The following MAPK10 variants were observed in gnomAD, a reference collection of about 807,000 sequenced individuals.
The protein encoded by MAPK10 is JNK3 alpha protein kinase.
Under a neutral mutation model 59.3 loss-of-function variants are expected in MAPK10, and 25 were observed. The observed-to-expected ratio is 0.42, with a 90% confidence interval of 0.31 to 0.59. The LOEUF (loss-of-function observed/expected upper bound fraction) is 0.59, where lower values mean the gene tolerates loss of function less well. Among genes scored for constraint, MAPK10 ranks in the 20% least tolerant of loss-of-function variants. MAPK10 has a pLI of 0.15. For synonymous variants in MAPK10, 190 were observed against 200.5 expected, an observed-to-expected ratio of 0.95 and a Z score of 0.44; for missense variants, 351 against 568.9, an observed-to-expected ratio of 0.62 and a Z score of 3.90.
At chr4:86,089,307 A>C (rs1359311745) in intron 9 of MAPK10, 9 of 1,436,862 alleles carry the variant, frequency 6.3e-6, no homozygotes, top group Non-Finnish European at 8.8e-6. Context: ...GAAGATAAAC[A>C]AGAACACAGG....
At chr4:86,563,619 G>A (rs1315491207) in intron 1 of MAPK10, among the ~76,000 whole-genome samples, 1 of 152,178 alleles carries the variant, frequency 6.6e-6, no homozygotes, top group Non-Finnish European at 1.5e-5. Flanking sequence ...AAGACCTCCA[G>A]TAGATGCCTG....
At chr4:86,096,792 C>G (rs958055502) in intron 9 of MAPK10, among the ~76,000 whole-genome samples, 3 of 151,898 alleles carry the variant, frequency 2.0e-5, no homozygotes, top group African/African-American at 7.2e-5. Context: ...AATCCCCAAA[C>G]TATAGATAAG....
intron 5 of MAPK10, among the ~76,000 whole-genome samples, chr4:86,104,803 C>T (rs1157372898): frequency 6.6e-6 from 1 of 151,968 alleles, no homozygotes; most frequent in East Asian, 1.9e-4. Context: ...CTTATTTTCC[C>T]TTTTCCTATG....
chr4:86,120,120 G>C (rs921993145), intron 4 of MAPK10: 17 of 152,154 alleles, frequency 1.1e-4, no homozygotes, highest in African/African-American at 4.1e-4. Flanking sequence ...AGTTCACTTG[G>C]ATACTTCCCT....
At chr4:86,427,488 T>C (rs541497345) in intron 1 of MAPK10, among the ~76,000 whole-genome samples, 1 of 152,298 alleles carries the variant, frequency 6.6e-6, no homozygotes, top group East Asian at 1.9e-4. Flanking sequence ...TTCATCAGAT[T>C]CTTCCTTCCT....
chr4:86,524,561 A>C (rs1357151507), intron 1 of MAPK10, among the ~76,000 whole-genome samples: 3 of 152,150 alleles, frequency 2.0e-5, no homozygotes, highest in African/African-American at 7.2e-5. Context: ...TCTTCTAAAG[A>C]GTCTACATTA....
chr4:86,122,022 T>C (rs2059340668), intron 4 of MAPK10, among the ~76,000 whole-genome samples: 2 of 152,132 alleles, frequency 1.3e-5, no homozygotes, highest in South Asian at 4.1e-4. Flanking sequence ...ACTCAGGGCC[T>C]TGGGAATTTA....
intron 2 of MAPK10, among the ~76,000 whole-genome samples, chr4:86,325,057 A>C (rs2095991697): frequency 1.3e-5 from 2 of 152,162 alleles, no homozygotes; most frequent in African/African-American, 2.4e-5. Context: ...TTTAGTTTCT[A>C]ATTTCCAACT....
At chr4:86,077,104 G>A (rs1579782686) in intron 9 of MAPK10, among the ~76,000 whole-genome samples, 2 of 152,228 alleles carry the variant, frequency 1.3e-5, no homozygotes, top group East Asian at 3.9e-4. Flanking sequence ...TAAAAGTAGA[G>A]TTATATTGTA....
intron 5 of MAPK10, among the ~76,000 whole-genome samples, chr4:86,104,812 T>C (rs1418898451): frequency 6.6e-6 from 1 of 152,132 alleles, no homozygotes; most frequent in Non-Finnish European, 1.5e-5. Flanking sequence ...CCTTTTCCTA[T>C]GACCTTGTTT....
chr4:86,217,354 T>G (rs750762667), intron 2 of MAPK10, among the ~76,000 whole-genome samples: 1 of 152,186 alleles, frequency 6.6e-6, no homozygotes, highest in African/African-American at 2.4e-5. Context: ...ATTTGTAAAA[T>G]TAATAAAATA....
intron 1 of MAPK10, among the ~76,000 whole-genome samples, chr4:86,501,011 G>T (rs1755263588): frequency 1.3e-5 from 2 of 149,966 alleles, no homozygotes; most frequent in African/African-American, 4.9e-5. Flanking sequence ...GAAGGTTAGG[G>T]TAATGGTAAA....
intron 2 of MAPK10, among the ~76,000 whole-genome samples, chr4:86,299,879 C>T (rs1380183441): frequency 6.6e-6 from 1 of 151,748 alleles, no homozygotes; most frequent in African/African-American, 2.4e-5. Flanking sequence ...ACAATAATAC[C>T]TTTCTTATTT....
chr4:86,446,823 T>C (rs1458281190), intron 1 of MAPK10, among the ~76,000 whole-genome samples: 16 of 152,212 alleles, frequency 1.1e-4, no homozygotes, highest in Non-Finnish European at 7.3e-5. Context: ...GATCATCTTT[T>C]CATGTGCTTC....
chr4:86,388,343 A>G (rs1741777422), intron 1 of MAPK10, among the ~76,000 whole-genome samples: 1 of 152,222 alleles, frequency 6.6e-6, no homozygotes, highest in African/African-American at 2.4e-5. Context: ...GACTAAGGAT[A>G]TAAAAATGTT....
At chr4:86,078,600 T>TATATATAC (rs1175453723) in intron 9 of MAPK10, among the ~76,000 whole-genome samples, 1 of 149,222 alleles carries the variant, frequency 6.7e-6, no homozygotes, top group African/African-American at 2.6e-5. Context: ...TGTATATATA[T>TATATATAC]ATATACACAC....
chr4:86,195,340 T>C (rs950326056), intron 2 of MAPK10, among the ~76,000 whole-genome samples: 5 of 152,228 alleles, frequency 3.3e-5, no homozygotes, highest in African/African-American at 9.6e-5. Context: ...CAAGGATTGA[T>C]AGATGTCCTG....
intron 9 of MAPK10, among the ~76,000 whole-genome samples, chr4:86,070,363 G>A (rs1343331251): frequency 2.0e-5 from 3 of 150,308 alleles, no homozygotes; most frequent in African/African-American, 7.3e-5. Flanking sequence ...TTTTTTTGTA[G>A]CACTTGAAGG....
chr4:86,407,996 T>G (rs889304633), intron 1 of MAPK10, among the ~76,000 whole-genome samples: 12 of 152,150 alleles, frequency 7.9e-5, no homozygotes, highest in Admixed American at 3.9e-4. Context: ...GTTGGTTTGC[T>G]GCACCCATCA....
Sources: gnomAD v4.1 joint callset for allele counts (sites outside exome capture counted in the v4.1 genomes callset) on GRCh38, gnomAD v4.1.1 for gene constraint, MANE v1.5 for transcripts, NCBI Gene and HGNC (gene_info 2026-07-23, HGNC 2026-07-21) for gene names.